Variants in NXPE4 observed in about 807,000 individuals in gnomAD.
NXPE4 encodes the protein neurexophilin and PC-esterase domain family member 4, also known as NXPE family member 4.
NXPE4 carries 42 observed loss-of-function variants against 33.3 expected under a neutral mutation model. The observed-to-expected ratio is 1.26, with a 90% CI of 0.98 to 1.63. The LOEUF is 1.63. NXPE4 is among the 40% of genes most tolerant of loss of function. NXPE4 has a pLI of 0.00. For missense variants in NXPE4, 709 were observed against 647.6 expected (o/e 1.09, Z -1.03); for synonymous variants, 253 against 234.9 (o/e 1.08, Z -0.71).
At chr11:114,626,818 G>T in the NXPE4 span, among the ~76,000 whole-genome samples, 3 of 152,236 alleles carry the variant, frequency 2.0e-5, no homozygotes, top group African/African-American at 7.2e-5. Context: ...ACACAGAAGT[G>T]CTTAAAGGAG....
rs1452117178 is a variant in NXPE4, at chr11:114,581,739, A to C, written c.878T>G (p.Val293Gly). The C allele has an allele frequency of 6.2e-7, 1 of 1,612,066 alleles. No homozygotes were observed. The highest frequency in any genetic ancestry group is 1.3e-5 in the African/African-American group (1 of 74,970). The change falls in exon 4 of 6, where the codon GTC (valine) becomes GGC (glycine). Residue 293 changes from valine (V) to glycine (G), a missense_variant. Val to Gly is a moderately radical substitution (Grantham distance 109). Transcript: ENST00000375478. Reference sequence around the variant, plus strand: ...GGAGTACTTACTGTTGCATTTGGAGACACTAATTGTATTGAATTTTTCCAT... The same window carrying C: ...GGAGTACTTACTGTTGCATTTGGAGCCACTAATTGTATTGAATTTTTCCAT... ...EIMEKFNTISVSKCNKETVAM... is the reference protein window; with the variant it reads ...EIMEKFNTISGSKCNKETVAM...
At chr11:114,580,463 A>T (rs1312304849) in intron 4 of NXPE4, 125 bp from the exon 5 acceptor site, 1 of 721,452 alleles carries the variant, frequency 1.4e-6, no homozygotes, top group Non-Finnish European at 2.3e-6. Context: ...TGGAAAAAGT[A>T]TTACTGAAGT....
chr11:114,633,116 TTA>T, the NXPE4 span, among the ~76,000 whole-genome samples: 1 of 122,740 alleles, frequency 8.1e-6, no homozygotes, highest in Non-Finnish European at 1.6e-5. Context: ...ACATTATATT[TTA>T]TATAATTTAT....
chr11:114,633,221 TA>T, the NXPE4 span, among the ~76,000 whole-genome samples: 2 of 133,042 alleles, frequency 1.5e-5, no homozygotes, highest in East Asian at 4.3e-4. Flanking sequence ...TTACATTATA[TA>T]TATAAATATA....
the NXPE4 span, among the ~76,000 whole-genome samples, chr11:114,660,365 A>G: frequency 6.6e-6 from 1 of 152,002 alleles, no homozygotes; most frequent in Non-Finnish European, 1.5e-5. Context: ...TCCTCAACAA[A>G]GTATTAGCAA....
the NXPE4 span, among the ~76,000 whole-genome samples, chr11:114,670,269 G>A: frequency 6.6e-6 from 1 of 152,044 alleles, no homozygotes; most frequent in Non-Finnish European, 1.5e-5. Flanking sequence ...TGGTCAAAGA[G>A]AGCCTTGATA....
chr11:114,594,706 T>C lies in NXPE4; in HGVS notation c.54A>G (p.Leu18=), dbSNP rs1221032315. 6.2e-7 allele frequency: 1 copy of C among 1,604,966 alleles called. No homozygotes were observed. Among genetic ancestry groups the C allele is most frequent in the Admixed American group, 1.7e-5 (1 of 59,562 alleles). ...YKSLLALLFI[L]ASWIIFTVFQ... ...AAACTGTAAAAATGATCCAGGAGGCTAATATAAACAACAGTGCCAATAGTG... is the reference window on the plus strand; with the variant it reads ...AAACTGTAAAAATGATCCAGGAGGCCAATATAAACAACAGTGCCAATAGTG... The change falls in exon 2 of 6, where the codon TTA becomes TTG. Residue 18 remains leucine, a synonymous_variant. Coordinates refer to ENST00000375478, the MANE Select transcript of NXPE4 (RefSeq NM_001077639.2).
the NXPE4 span, among the ~76,000 whole-genome samples, chr11:114,665,967 A>AG: frequency 6.6e-6 from 1 of 152,234 alleles, no homozygotes; most frequent in Non-Finnish European, 1.5e-5. Flanking sequence ...AGACTGAGGT[A>AG]GGGGGCAGGG....
the NXPE4 span, among the ~76,000 whole-genome samples, chr11:114,608,935 T>TG: frequency 6.6e-6 from 1 of 151,738 alleles, no homozygotes; most frequent in African/African-American, 2.4e-5. Flanking sequence ...TACTGCCTCG[T>TG]GGGTAACCAC....
At chr11:114,663,593 CT>C in the NXPE4 span, among the ~76,000 whole-genome samples, 6 of 96,094 alleles carry the variant, frequency 6.2e-5, no homozygotes, top group East Asian at 2.3e-3. Flanking sequence ...TATCATCTAT[CT>C]ATCTATCTAT....
chr11:114,612,763 C>T, the NXPE4 span, among the ~76,000 whole-genome samples: 7 of 151,914 alleles, frequency 4.6e-5, no homozygotes, highest in African/African-American at 7.3e-5. Context: ...AGTGTTGCCT[C>T]GTGGGTAACC....
chr11:114,632,359 T>A, the NXPE4 span, among the ~76,000 whole-genome samples: 1 of 134,278 alleles, frequency 7.4e-6, no homozygotes, highest in East Asian at 2.0e-4. Flanking sequence ...TATATAAATA[T>A]TATATATTAC....
chr11:114,631,031 C>T, the NXPE4 span, among the ~76,000 whole-genome samples: 1 of 151,476 alleles, frequency 6.6e-6, no homozygotes, highest in African/African-American at 2.4e-5. Context: ...ACAACAGGTG[C>T]TGGAGAGGAT....
Position 114,582,413 on chromosome 11 carries a change from GT to G in NXPE4, c.704del (p.Asn235ThrfsTer10), listed in dbSNP as rs775972370. On this transcript the variant is annotated frameshift_variant, in exon 3 of 6. Coordinates refer to ENST00000375478, the MANE Select transcript of NXPE4 (RefSeq NM_001077639.2). LOFTEE classifies it high-confidence loss of function. ...CACAGTAGAAGCCTTCTTGGTCTCTGTTGTCCAGGTACTGGCACAATTCAGC... is the reference window on the plus strand; with the variant it reads ...CACAGTAGAAGCCTTCTTGGTCTCTGTGTCCAGGTACTGGCACAATTCAGC... ...TNAELCQYLD[N>X]RDQEGFYCVR... 26 of 1,614,064 alleles carry G rather than the reference GT, an allele frequency of 1.6e-5. No individual in the cohort carries two copies. Among genetic ancestry groups the G allele is most frequent in the Non-Finnish European group, 2.5e-6 (3 of 1,180,022 alleles).
At chr11:114,637,386 C>T in the NXPE4 span, among the ~76,000 whole-genome samples, 1 of 152,052 alleles carries the variant, frequency 6.6e-6, no homozygotes, top group African/African-American at 2.4e-5. Flanking sequence ...TTCCTGAATA[C>T]AGCACACTAA....
chr11:114,638,456 C>T, the NXPE4 span, among the ~76,000 whole-genome samples: 1 of 152,038 alleles, frequency 6.6e-6, no homozygotes, highest in African/African-American at 2.4e-5. Flanking sequence ...AAGCCTTCTT[C>T]TCTCAACTCA....
At chr11:114,621,744 A>G in the NXPE4 span, among the ~76,000 whole-genome samples, 3 of 149,790 alleles carry the variant, frequency 2.0e-5, no homozygotes, top group Admixed American at 1.3e-4. Flanking sequence ...ACCACGGTTA[A>G]CTGCTAGATA....
At chr11:114,633,542 C>CA in the NXPE4 span, among the ~76,000 whole-genome samples, 1 of 150,922 alleles carries the variant, frequency 6.6e-6, no homozygotes, top group African/African-American at 2.4e-5. Context: ...ATACATGTGC[C>CA]ATGCTTGTGT....
At chr11:114,620,681 G>A in the NXPE4 span, among the ~76,000 whole-genome samples, 2 of 150,388 alleles carry the variant, frequency 1.3e-5, no homozygotes, top group African/African-American at 2.4e-5. Flanking sequence ...TTGTCTCCCA[G>A]GTAACCACTG....
Sources: gnomAD v4.1 joint callset for allele counts (sites outside exome capture counted in the v4.1 genomes callset) on GRCh38, gnomAD v4.1.1 for gene constraint, MANE v1.5 for transcripts, NCBI Gene and HGNC (gene_info 2026-07-23, HGNC 2026-07-21) for gene names.